COPG1: variants seen among roughly 807,000 people sequenced by gnomAD.
The protein encoded by COPG1 is coat protein complex I subunit gamma 1, also known as coatomer subunit gamma-1.
COPG1 carries 29 observed loss-of-function variants against 102.8 expected under a neutral mutation model. That is an observed-to-expected ratio of 0.28 (90% CI 0.21 to 0.38). COPG1 has a LOEUF of 0.38. Ranked by LOEUF, COPG1 falls within the 10% of genes least tolerant of loss-of-function variation. The probability of loss-of-function intolerance (pLI) is 1.00; values close to 1 mark genes in which losing one functional copy is unlikely to be tolerated. For missense variants in COPG1, 875 were observed against 1,132.7 expected (o/e 0.77, Z 3.27); for synonymous variants, 406 against 421.6 (o/e 0.96, Z 0.45).
rs1235776600 is a variant in COPG1, at chr3:129,271,205, T to C, written c.1844-562T>C. On this transcript the variant is annotated intron_variant, in intron 18 of 23. Coordinates refer to ENST00000314797, the MANE Select transcript of COPG1 (RefSeq NM_016128.4). This position sits in a 1 kb window ranked among gnomAD's most constrained non-coding sequence, Gnocchi z 4.7. Reference sequence around the variant, plus strand: ...CCCATGGGCCTGTGCTTGAATCCAGTGCTTGAACCTGGGCATAGGGTGTAG... The same window carrying C: ...CCCATGGGCCTGTGCTTGAATCCAGCGCTTGAACCTGGGCATAGGGTGTAG... Among the ~76,000 whole-genome samples, 1 of 152,226 alleles carries C rather than the reference T, an allele frequency of 6.6e-6. No individual in the cohort carries two copies. The highest frequency in any genetic ancestry group is 1.5e-5 in the Non-Finnish European group (1 of 68,044).
At chr3:129,263,014 CAAAAAAA>C (rs1299713396) in intron 12 of COPG1, among the ~76,000 whole-genome samples, 9 of 54,308 alleles carry the variant, frequency 1.7e-4, no homozygotes, top group Non-Finnish European at 2.8e-4. Context: ...GACTCCGTCT[CAAAAAAA>C]AAAAAAAAAA....
chr3:129,265,782 G>A lies in COPG1; in HGVS notation c.1458G>A (p.Glu486=), dbSNP rs779431487. The change falls in exon 14 of 24, where the codon GAG becomes GAA. Residue 486 remains glutamate (E), a synonymous_variant. Coordinates refer to ENST00000314797, the MANE Select transcript of COPG1 (RefSeq NM_016128.4). ...ACCGAGTGGTCTTGGAGCATGAGGA[G>A]GTCCGGGCAGGTAGGTCTGAGCCAG... ...IYNRVVLEHE[E]VRAGAVSALA... is the part of the protein sequence containing the mutation. The A allele has an allele frequency of 1.9e-5, 30 of 1,613,970 alleles. No individual in the cohort carries two copies. The South Asian group carries it at 3.1e-4, about 17-fold the overall frequency.
At chr3:129,273,126 G>A (rs1028047502) in intron 21 of COPG1, among the ~76,000 whole-genome samples, 20 of 152,120 alleles carry the variant, frequency 1.3e-4, no homozygotes, top group African/African-American at 4.8e-4. Context: ...TGGTCCAAGC[G>A]ATTCTCTTGC....
Position 129,265,774 on chromosome 3 carries a change from C to T in COPG1, c.1450C>T (p.His484Tyr). 6.2e-7 allele frequency: 1 copy of T among 1,614,058 alleles called. No homozygotes were observed. Among genetic ancestry groups the T allele is most frequent in the South Asian group, 1.1e-5 (1 of 91,064 alleles). ...CATCTATAACCGAGTGGTCTTGGAG[C>T]ATGAGGAGGTCCGGGCAGGTAGGTC... ...RFIYNRVVLE[H>Y]EEVRAGAVSA... The change falls in exon 14 of 24, where the codon CAT becomes TAT. Residue 484 changes from histidine to tyrosine, a missense_variant. His to Tyr is a moderately conservative substitution (Grantham distance 83). Transcript: ENST00000314797.
At chr3:129,259,902 AG>A (rs2107675081) in intron 10 of COPG1, among the ~76,000 whole-genome samples, 1 of 152,296 alleles carries the variant, frequency 6.6e-6, no homozygotes, top group South Asian at 2.1e-4. Context: ...TACTTCACAG[AG>A]GTTAAGGGCT....
In COPG1 at chr3:129,275,157, T is replaced by A; in HGVS notation, c.2396-37T>A. On this transcript the variant is annotated intron_variant, in intron 22 of 23. Transcript: ENST00000314797. This position sits in a 1 kb window ranked among gnomAD's most constrained non-coding sequence, Gnocchi z 5.0. Reference sequence around the variant, plus strand: ...GAGTGGTGGTGGCACAAAGGGCAGATAAGATGGCTTAACAATATTGGGATT... The same window carrying A: ...GAGTGGTGGTGGCACAAAGGGCAGAAAAGATGGCTTAACAATATTGGGATT... 6.3e-7 allele frequency: 1 copy of A among 1,592,878 alleles called. No individual in the cohort carries two copies. The highest frequency in any genetic ancestry group is 8.6e-7 in the Non-Finnish European group (1 of 1,161,002).
At chr3:129,267,772 C>G (rs1940096219) in intron 15 of COPG1, among the ~76,000 whole-genome samples, 165 bp from the exon 16 acceptor site, 3 of 152,202 alleles carry the variant, frequency 2.0e-5, no homozygotes, top group Admixed American at 2.0e-4. Flanking sequence ...AAAGGGAACT[C>G]AGTGTTCATG....
intron 23 of COPG1, among the ~76,000 whole-genome samples, chr3:129,276,794 A>G (rs1385011014): frequency 6.6e-6 from 1 of 150,720 alleles, no homozygotes; most frequent in Non-Finnish European, 1.5e-5. Flanking sequence ...GTAGTTGAGG[A>G]TACTGAAGTC....
chr3:129,272,959 C>A, intron 21 of COPG1, 55 bp downstream of exon 21: 1 of 938,916 alleles, frequency 1.1e-6, no homozygotes, highest in Non-Finnish European at 1.7e-6. Context: ...AAAGCAACTC[C>A]CTTCAGGAAC....
intron 16 of COPG1, 125 bp from the exon 17 acceptor site, chr3:129,268,370 A>G: frequency 2.2e-6 from 2 of 918,858 alleles, no homozygotes; most frequent in Non-Finnish European, 3.2e-6. Context: ...CTTAGAGAAT[A>G]AAGTGATTTT....
At chr3:129,254,770 T>TC in intron 6 of COPG1, 27 bp downstream of exon 6, 1 of 1,600,492 alleles carries the variant, frequency 6.2e-7, no homozygotes, top group Non-Finnish European at 8.6e-7. Context: ...CCTCCCTGCT[T>TC]CCTGGCCTCT....
intron 15 of COPG1, 52 bp from the exon 16 acceptor site, chr3:129,267,885 C>G: frequency 6.9e-7 from 1 of 1,442,200 alleles, no homozygotes; most frequent in Non-Finnish European, 9.7e-7. Context: ...CAGGATCCCT[C>G]CTGCCATCCC....
At position 129,252,674 on chromosome 3, in the gene COPG1, A is replaced by G. The variant is rs1939724550; in HGVS notation, c.223A>G (p.Lys75Glu). The change falls in exon 4 of 24, where the codon AAG becomes GAG. Residue 75 changes from lysine (K) to glutamate (E), a missense_variant. Lys to Glu is a moderately conservative substitution (Grantham distance 56, BLOSUM62 1). Coordinates refer to ENST00000314797, the MANE Select transcript of COPG1 (RefSeq NM_016128.4). ...GACCGAGGCCTTCTTTGCCATGACC[A>G]AGCTCTTTCAGTCCAATGATGTAAG... The part of the protein sequence containing the change: ...EATEAFFAMT[K>E]LFQSNDPTLR... The G allele has an allele frequency of 6.2e-7, 1 of 1,614,142 alleles. No homozygotes were observed. Among genetic ancestry groups the G allele is most frequent in the Non-Finnish European group, 8.5e-7 (1 of 1,180,010 alleles).
chr3:129,268,677 G>A, intron 17 of COPG1, 57 bp downstream of exon 17: 2 of 1,586,652 alleles, frequency 1.3e-6, no homozygotes, highest in African/African-American at 1.3e-5. Context: ...TGGAGGGTCT[G>A]CATTGGCTGC....
At chr3:129,269,813 A>G (rs1190845915) in intron 18 of COPG1, among the ~76,000 whole-genome samples, 4 of 151,916 alleles carry the variant, frequency 2.6e-5, no homozygotes, top group Non-Finnish European at 5.9e-5. Flanking sequence ...ACGTTACCAC[A>G]AACTTAGTGG....
intron 2 of COPG1, among the ~76,000 whole-genome samples, chr3:129,251,436 C>T (rs931986027): frequency 6.6e-6 from 1 of 150,824 alleles, no homozygotes; most frequent in African/African-American, 2.4e-5. Flanking sequence ...GGCTGGAGTG[C>T]AGTGGCACGA....
chr3:129,266,281 A>G (rs910586716), intron 14 of COPG1, among the ~76,000 whole-genome samples: 1 of 151,130 alleles, frequency 6.6e-6, no homozygotes, highest in African/African-American at 2.4e-5. Flanking sequence ...ATGGTTCTTA[A>G]CCCCTATAAT....
chr3:129,266,898 C>T (rs1021013369), intron 14 of COPG1, 126 bp from the exon 15 acceptor site: 3 of 775,454 alleles, frequency 3.9e-6, no homozygotes, highest in African/African-American at 3.4e-5. Flanking sequence ...GACTTTGGGC[C>T]TCCTGGCTTG....
At position 129,257,711 on chromosome 3, in the gene COPG1, C is replaced by G. The variant is rs1939841720; in HGVS notation, c.738-16C>G. The G allele has an allele frequency of 1.9e-6, 3 of 1,613,714 alleles. No individual in the cohort carries two copies. Among genetic ancestry groups the G allele is most frequent in the Non-Finnish European group, 1.7e-6 (2 of 1,179,646 alleles). On this transcript the variant is annotated splice_polypyrimidine_tract_variant and intron_variant, in intron 9 of 23. Transcript: ENST00000314797. ...CCACCCCCAACGTTTTCTTGCCACC[C>G]TATGTTCTTTTGTAGCCGTGACAGC...
Sources: gnomAD v4.1 joint callset for allele counts (sites outside exome capture counted in the v4.1 genomes callset) on GRCh38, gnomAD v4.1.1 for gene constraint, Gnocchi (gnomAD v3.1) non-coding constraint, MANE v1.5 for transcripts, NCBI Gene and HGNC (gene_info 2026-07-23, HGNC 2026-07-21) for gene names.